FMN1: variants seen among roughly 807,000 people sequenced by gnomAD.
FMN1 encodes formin 1.
A neutral mutation model predicts 132.4 loss-of-function variants in FMN1; 110 were observed. The observed-to-expected ratio is 0.83, with a 90% CI of 0.71 to 0.97. FMN1 has a LOEUF of 0.97. Among genes scored for constraint, FMN1 ranks in the 50% least tolerant of loss-of-function variants. FMN1 has a pLI of 0.00. For missense variants in FMN1, 1,792 were observed against 1,705.3 expected (o/e 1.05, Z -0.90); for synonymous variants, 722 against 651.7 (o/e 1.11, Z -1.64).
intron 4 of FMN1, among the ~76,000 whole-genome samples, 199 bp from the exon 5 acceptor site, chr15:33,089,173 C>T (rs535410357): frequency 1.3e-5 from 2 of 152,330 alleles, no homozygotes; most frequent in East Asian, 3.9e-4. Context: ...AAATTTACAA[C>T]ATACGCCCTC....
chr15:32,965,482 T>C (rs1422049924), intron 8 of FMN1, among the ~76,000 whole-genome samples: 1 of 152,208 alleles, frequency 6.6e-6, no homozygotes, highest in Non-Finnish European at 1.5e-5. Context: ...AGGTATATGT[T>C]ACAATCCATA....
chr15:33,188,178 C>A (rs1234884442), intron 2 of FMN1, among the ~76,000 whole-genome samples: 3 of 148,438 alleles, frequency 2.0e-5, no homozygotes, highest in Non-Finnish European at 4.5e-5. Context: ...ACTAAAAATG[C>A]AAAAAAAAAA....
chr15:33,126,531 AAC>A (rs1354350697), intron 4 of FMN1, among the ~76,000 whole-genome samples: 1 of 151,854 alleles, frequency 6.6e-6, no homozygotes, highest in Non-Finnish European at 1.5e-5. Context: ...GTACCTCCAA[AAC>A]TCACTGAAAA....
At chr15:32,803,866 C>T (rs2057566690) in intron 18 of FMN1, among the ~76,000 whole-genome samples, 1 of 152,190 alleles carries the variant, frequency 6.6e-6, no homozygotes, top group Admixed American at 6.5e-5. Context: ...GATGATTCCT[C>T]ACTTCCTGAG....
intron 9 of FMN1, among the ~76,000 whole-genome samples, chr15:32,936,683 G>GAAGGAAGGAAGGAGAAGAAAGAAGGA (rs956328728): frequency 6.6e-6 from 1 of 151,774 alleles, no homozygotes; most frequent in African/African-American, 2.4e-5. Flanking sequence ...GGAGGAGAAA[G>GAAGGAAGGAAGGAGAAGAAAGAAGGA]AAGGAAGGAA....
intron 15 of FMN1, among the ~76,000 whole-genome samples, chr15:32,896,760 T>C (rs183803365): frequency 4.1e-4 from 62 of 152,298 alleles, no homozygotes; most frequent in Admixed American, 7.2e-4. Context: ...TTCTTTATGG[T>C]TGAATAATAT....
intron 14 of FMN1, 194 bp downstream of exon 14, chr15:32,899,785 G>GAAA (rs4041540): frequency 5.2e-4 from 286 of 546,198 alleles, no homozygotes; most frequent in Middle Eastern, 2.0e-3. Flanking sequence ...AGTCTAACGT[G>GAAA]AAAAAAAAAA....
intron 4 of FMN1, among the ~76,000 whole-genome samples, chr15:33,126,334 G>A (rs562971981): frequency 1.3e-5 from 2 of 152,176 alleles, no homozygotes; most frequent in Non-Finnish European, 2.9e-5. Flanking sequence ...ATAGAGAGGA[G>A]GCAGAAGGTC....
intron 17 of FMN1, among the ~76,000 whole-genome samples, chr15:32,826,906 T>C (rs577317306): frequency 3.4e-5 from 5 of 146,348 alleles, no homozygotes; most frequent in African/African-American, 1.3e-4. Context: ...ATAAACAAGC[T>C]GAGAAAACAC....
chr15:33,017,743 A>G lies in FMN1; in HGVS notation c.2162-9668T>C, dbSNP rs111632883. On this transcript the variant is annotated intron_variant, in intron 6 of 20. Transcript: ENST00000616417. The stretch of plus-strand genomic sequence containing the variant: ...TCCAAGCCACTAGTTTCTTACCGCT[A>G]TGGTTTGAATGTTTGTGTCCTACTA... Among the ~76,000 whole-genome samples the G allele has an allele frequency of 4.6e-5, 7 of 152,326 alleles. No individual in the cohort carries two copies. In the East Asian group the frequency reaches 1.2e-3, roughly 25 times the overall value.
At chr15:33,128,395 C>T (rs983204380) in intron 4 of FMN1, among the ~76,000 whole-genome samples, 1 of 152,068 alleles carries the variant, frequency 6.6e-6, no homozygotes, top group East Asian at 1.9e-4. Context: ...TCCAACTGCC[C>T]GCCATTTGTT....
At chr15:33,152,114 G>A (rs576100802) in intron 4 of FMN1, among the ~76,000 whole-genome samples, 1 of 152,298 alleles carries the variant, frequency 6.6e-6, no homozygotes, top group East Asian at 1.9e-4. Context: ...TTGCCCACAT[G>A]CTGTTAGAGG....
chr15:32,963,970 A>G (rs2030893416), intron 9 of FMN1, 137 bp downstream of exon 9: 3 of 478,672 alleles, frequency 6.3e-6, no homozygotes, highest in Non-Finnish European at 1.1e-5. Context: ...AATTCCTATG[A>G]TACACACACA....
chr15:33,142,005 C>T (rs1044088434), intron 4 of FMN1, among the ~76,000 whole-genome samples: 3 of 152,100 alleles, frequency 2.0e-5, no homozygotes, highest in African/African-American at 2.4e-5. Context: ...ACATGGGCTA[C>T]GCTGTTTAGT....
At position 33,016,552 on chromosome 15, in the gene FMN1, GAAGTA is replaced by G. The variant is rs553142241; in HGVS notation, c.2162-8482_2162-8478del. Among the ~76,000 whole-genome samples, 523 of 152,300 alleles carry G rather than the reference GAAGTA, an allele frequency of 3.4e-3. 2 individuals are homozygous for G. The highest frequency in any genetic ancestry group is 0.012 in the African/African-American group (489 of 41,564). Reference sequence around the variant, plus strand: ...CAGTGGAGGTAGATTCAAAGGCAGTGAAGTAAAGAGAAAGTAGTCAACAGCTGCCA... The same window carrying G: ...CAGTGGAGGTAGATTCAAAGGCAGTGAAGAGAAAGTAGTCAACAGCTGCCA... On this transcript the variant is annotated intron_variant, in intron 6 of 20. Coordinates refer to ENST00000616417, the MANE Select transcript of FMN1 (RefSeq NM_001277313.2).
intron 4 of FMN1, among the ~76,000 whole-genome samples, chr15:33,146,615 A>T (rs536515892): frequency 6.6e-6 from 1 of 152,314 alleles, no homozygotes; most frequent in East Asian, 1.9e-4. Context: ...CCATGATAGG[A>T]GGCTGAGCTG....
At chr15:33,118,010 A>G (rs1595510385) in intron 4 of FMN1, among the ~76,000 whole-genome samples, 2 of 152,216 alleles carry the variant, frequency 1.3e-5, no homozygotes, top group Admixed American at 1.3e-4. Context: ...TTGCATCAAA[A>G]TAATGATATA....
At chr15:33,125,118 A>G (rs868325150) in intron 4 of FMN1, among the ~76,000 whole-genome samples, 1 of 148,766 alleles carries the variant, frequency 6.7e-6, no homozygotes. Context: ...TTAGAACATT[A>G]CATCTAGGGA....
At chr15:32,902,163 G>T in intron 12 of FMN1, 123 bp from the exon 13 acceptor site, 1 of 802,504 alleles carries the variant, frequency 1.2e-6, no homozygotes, top group Non-Finnish European at 1.9e-6. Context: ...TATAAAAGGT[G>T]TCACATAGGT....
Sources: allele counts gnomAD v4.1 joint callset (sites outside exome capture counted in the v4.1 genomes callset), GRCh38; gene constraint gnomAD v4.1.1; transcripts MANE v1.5; gene names NCBI Gene and HGNC (gene_info 2026-07-23, HGNC 2026-07-21).